Variants in PTPRA observed in about 807,000 individuals in gnomAD.
PTPRA encodes the protein protein tyrosine phosphatase receptor type A, also known as receptor-type tyrosine-protein phosphatase alpha.
Under a neutral mutation model 104.8 loss-of-function variants are expected in PTPRA, and 25 were observed. The observed-to-expected ratio is 0.24, with a 90% CI of 0.17 to 0.33. The LOEUF (loss-of-function observed/expected upper bound fraction) is 0.33, where lower values mean the gene tolerates loss of function less well. Among genes scored for constraint, PTPRA ranks in the 10% least tolerant of loss-of-function variants. PTPRA has a pLI of 1.00. For missense variants in PTPRA, 765 were observed against 1,015.3 expected (o/e 0.75, Z 3.35); for synonymous variants, 323 against 368.9 (o/e 0.88, Z 1.43).
intron 1 of PTPRA, among the ~76,000 whole-genome samples, chr20:2,906,431 C>T (rs1353496244): frequency 6.6e-6 from 1 of 151,978 alleles, no homozygotes; most frequent in Admixed American, 6.6e-5. Context: ...CTATAAAGGG[C>T]CAGATAGTAA....
At chr20:2,870,229 G>A (rs1042890397), upstream of PTPRA, among the ~76,000 whole-genome samples, 3 of 151,886 alleles carry the variant, frequency 2.0e-5, no homozygotes, top group South Asian at 2.1e-4. Flanking sequence ...TTAGCCAGGC[G>A]TGGTGGCGCA....
At chr20:3,014,313 C>G (rs1158969437) in intron 11 of PTPRA, among the ~76,000 whole-genome samples, 2 of 152,178 alleles carry the variant, frequency 1.3e-5, no homozygotes, top group African/African-American at 2.4e-5. Context: ...GGCAGCAACC[C>G]TGCCCTGCCC....
chr20:2,864,293 G>A, the PTPRA span: 9 of 1,614,130 alleles, frequency 5.6e-6, no homozygotes, highest in Non-Finnish European at 7.6e-6. The surrounding 1 kb of genome is among the most constrained non-coding windows in gnomAD (Gnocchi z 5.2). Flanking sequence ...CCTGGGTGAG[G>A]GCAAGGCTGG....
rs370205984 is a variant in PTPRA at position 2,988,323 on chromosome 20, C to T, written c.602-15C>T. 1.3e-6 allele frequency: 2 copies of T among 1,582,072 alleles called. No individual in the cohort carries two copies. Among genetic ancestry groups the T allele is most frequent in the South Asian group, 1.2e-5 (1 of 85,668 alleles). On this transcript the variant is annotated splice_polypyrimidine_tract_variant and intron_variant, in intron 8 of 23. Coordinates refer to ENST00000399903, the MANE Select transcript of PTPRA (RefSeq NM_001385305.1). ...CTCAGGGTACCTGACTGACCTTCTCCCTTGTGTACTGCAGAGCCCCAGAGT... is the reference window on the plus strand; with the variant it reads ...CTCAGGGTACCTGACTGACCTTCTCTCTTGTGTACTGCAGAGCCCCAGAGT...
At chr20:2,988,294 G>T in intron 8 of PTPRA, 44 bp from the exon 9 acceptor site, 2 of 1,567,668 alleles carry the variant, frequency 1.3e-6, no homozygotes, top group Non-Finnish European at 1.7e-6. Flanking sequence ...AGAGGGGCTA[G>T]GTTCTCAGGG....
At chr20:3,018,975 A>C (rs376755934) in intron 13 of PTPRA, among the ~76,000 whole-genome samples, 5 of 101,268 alleles carry the variant, frequency 4.9e-5, no homozygotes, top group African/African-American at 1.9e-4. Flanking sequence ...CTGGCCGGGC[A>C]GGGGGCTGAT....
At chr20:2,985,595 G>A (rs1448369210) in intron 6 of PTPRA, among the ~76,000 whole-genome samples, 1 of 152,104 alleles carries the variant, frequency 6.6e-6, no homozygotes, top group African/African-American at 2.4e-5. Flanking sequence ...CTAGGTATTG[G>A]GTGAAAGGGA....
At chr20:2,943,642 T>G (rs916955766) in intron 2 of PTPRA, among the ~76,000 whole-genome samples, 1 of 152,158 alleles carries the variant, frequency 6.6e-6, no homozygotes, top group Non-Finnish European at 1.5e-5. Flanking sequence ...CTTTATCAAC[T>G]TGGCACCCAT....
At chr20:3,007,937 A>G (rs1246473408) in intron 11 of PTPRA, among the ~76,000 whole-genome samples, 1 of 152,164 alleles carries the variant, frequency 6.6e-6, no homozygotes, top group Non-Finnish European at 1.5e-5. Context: ...TGATTTAGAG[A>G]ATGTTTATAG....
intron 11 of PTPRA, among the ~76,000 whole-genome samples, chr20:3,011,626 G>C (rs1317662792): frequency 1.3e-5 from 2 of 152,220 alleles, no homozygotes; most frequent in African/African-American, 2.4e-5. Context: ...GCAGTCTTAG[G>C]TTATAAGGTA....
intron 2 of PTPRA, among the ~76,000 whole-genome samples, chr20:2,929,918 A>ACT (rs758140878): frequency 2.0e-5 from 3 of 152,206 alleles, no homozygotes; most frequent in Non-Finnish European, 4.4e-5. Context: ...TAAGAAAAGG[A>ACT]AATTTGTACA....
chr20:2,909,893 A>G (rs2059578000), intron 1 of PTPRA, among the ~76,000 whole-genome samples: 1 of 131,800 alleles, frequency 7.6e-6, no homozygotes, highest in African/African-American at 2.9e-5. Context: ...TAATTATAAT[A>G]TATAATATAT....
chr20:2,964,885 G>T lies in PTPRA; in HGVS notation c.98G>T (p.Arg33Ile), dbSNP rs190116052. 6.2e-7 allele frequency: 1 copy of T among 1,613,640 alleles called. No individual in the cohort carries two copies. The highest frequency in any genetic ancestry group is 1.3e-5 in the African/African-American group (1 of 75,028). ...TTVAPSVGITRLINSSTAEPV... is the reference protein window; with the variant it reads ...TTVAPSVGITILINSSTAEPV... ...GTTGCACCTTCTGTAGGAATTACAA[G>T]ATTAATTAACTCATCAACGGCAGAA... Residue 33 changes from arginine (R) to isoleucine (I), a missense_variant, in exon 5 of 24, where the codon AGA becomes ATA. Physicochemically the swap from Arg to Ile is moderately conservative, Grantham distance 97 (BLOSUM62 -3). This residue lies in a region of PTPRA where 256 missense variants were observed against 248.9 expected (regional missense o/e 1.03). Transcript: ENST00000399903.
At chr20:2,885,076 C>T (rs983852338) in intron 1 of PTPRA, among the ~76,000 whole-genome samples, 3 of 152,184 alleles carry the variant, frequency 2.0e-5, no homozygotes, top group Non-Finnish European at 4.4e-5. Context: ...GCTGGGATTA[C>T]AGGCACAAGC....
chr20:2,869,087 A>G (rs2089397853), upstream of PTPRA, among the ~76,000 whole-genome samples: 1 of 152,206 alleles, frequency 6.6e-6, no homozygotes, highest in South Asian at 2.1e-4. Flanking sequence ...TCCACAGTTT[A>G]TTATAAAAAC....
intron 3 of PTPRA, among the ~76,000 whole-genome samples, chr20:2,963,151 G>A (rs913819363): frequency 2.6e-5 from 4 of 152,144 alleles, no homozygotes; most frequent in Admixed American, 1.3e-4. Context: ...GTTCCTTGAA[G>A]GGCAGCAGTA....
intron 1 of PTPRA, among the ~76,000 whole-genome samples, chr20:2,905,317 A>G (rs1481197523): frequency 6.6e-6 from 1 of 152,164 alleles, no homozygotes; most frequent in Non-Finnish European, 1.5e-5. Context: ...TACAGAAATA[A>G]CCACACTCTA....
At chr20:2,976,893 T>C (rs1311887040) in intron 6 of PTPRA, among the ~76,000 whole-genome samples, 2 of 152,182 alleles carry the variant, frequency 1.3e-5, no homozygotes, top group Non-Finnish European at 2.9e-5. Flanking sequence ...GATGTTTTAA[T>C]TGTCAAAGCA....
chr20:2,886,254 G>A (rs1190662142), intron 1 of PTPRA, among the ~76,000 whole-genome samples: 1 of 151,992 alleles, frequency 6.6e-6, no homozygotes, highest in Non-Finnish European at 1.5e-5. Flanking sequence ...ATAGTAGTAT[G>A]GTTACATTAA....
Sources: gnomAD v4.1 joint callset for allele counts (sites outside exome capture counted in the v4.1 genomes callset) on GRCh38, gnomAD v4.1.1 for gene constraint, gnomAD v4.1.1 regional missense constraint, Gnocchi (gnomAD v3.1) non-coding constraint, MANE v1.5 for transcripts, NCBI Gene and HGNC (gene_info 2026-07-23, HGNC 2026-07-21) for gene names.